Variants in EXOC2 observed in about 807,000 individuals in gnomAD.
EXOC2 encodes the protein SEC5-like 1.
Under a neutral mutation model 131.8 loss-of-function variants are expected in EXOC2, and 70 were observed. The ratio of observed to expected loss-of-function variants is 0.53; its 90% CI spans 0.44 to 0.65. The LOEUF is 0.65. Ranked by LOEUF, EXOC2 falls within the 30% of genes least tolerant of loss-of-function variation. EXOC2 has a pLI of 0.00. For missense variants in EXOC2, 923 were observed against 1,108.6 expected (o/e 0.83, Z 2.38); for synonymous variants, 411 against 398.4 (o/e 1.03, Z -0.38).
chr6:670,787 C>A (rs1335714671), intron 1 of EXOC2, among the ~76,000 whole-genome samples: 1 of 152,144 alleles, frequency 6.6e-6, no homozygotes, highest in Admixed American at 6.5e-5. Flanking sequence ...TTATTAACAT[C>A]TATAGAGCTG....
At chr6:545,342 T>G (rs1370981818) in intron 22 of EXOC2, among the ~76,000 whole-genome samples, 2 of 152,160 alleles carry the variant, frequency 1.3e-5, no homozygotes, top group African/African-American at 4.8e-5. Context: ...ATTATGTAAT[T>G]ATACCTACCA....
chr6:569,436 G>A (rs1758149409), intron 13 of EXOC2, among the ~76,000 whole-genome samples: 1 of 152,102 alleles, frequency 6.6e-6, no homozygotes, highest in Non-Finnish European at 1.5e-5. Context: ...AATTTTTAAC[G>A]GATGGGCTCT....
intron 23 of EXOC2, among the ~76,000 whole-genome samples, chr6:528,185 T>C (rs1332275901): frequency 6.6e-6 from 1 of 152,186 alleles, no homozygotes; most frequent in African/African-American, 2.4e-5. Context: ...CGGATATCTC[T>C]TGTTGAATCA....
intron 23 of EXOC2, among the ~76,000 whole-genome samples, chr6:515,126 A>G (rs1765071126): frequency 6.6e-6 from 1 of 152,234 alleles, no homozygotes. Flanking sequence ...TTGTTATGGT[A>G]TAACAGCAGG....
chr6:589,135 C>T (rs960728921), intron 11 of EXOC2, among the ~76,000 whole-genome samples: 2 of 152,272 alleles, frequency 1.3e-5, no homozygotes, highest in Admixed American at 1.3e-4. Flanking sequence ...GGTCAGACCA[C>T]ATATCCTATC....
intron 23 of EXOC2, among the ~76,000 whole-genome samples, chr6:515,889 T>C (rs973821173): frequency 1.3e-5 from 2 of 152,216 alleles, no homozygotes; most frequent in Admixed American, 6.5e-5. Flanking sequence ...TGCCCGTCCT[T>C]AGGTTCACTG....
At chr6:553,437 A>C (rs1313087581) in intron 21 of EXOC2, among the ~76,000 whole-genome samples, 1 of 151,538 alleles carries the variant, frequency 6.6e-6, no homozygotes, top group Non-Finnish European at 1.5e-5. Flanking sequence ...GGCTGTGCTC[A>C]AATAAAAGGC....
rs59578274 is a variant in EXOC2, at chr6:642,926, T to TAA, written c.-43-5067_-43-5066dup. The stretch of plus-strand genomic sequence containing the variant: ...AAAGTTGTAAAAGGCATTTTTCAAG[T>TAA]AAAAAAAAAAAAGTTCATTGCAAAC... On this transcript the variant is annotated intron_variant, in intron 1 of 27. Coordinates refer to ENST00000230449, the MANE Select transcript of EXOC2 (RefSeq NM_018303.6). 7.4e-4 allele frequency among the ~76,000 whole-genome samples: 108 copies of TAA among 145,526 alleles called. 2 individuals carry two copies. Among genetic ancestry groups the TAA allele is most frequent in the Middle Eastern group, 3.5e-3 (1 of 282 alleles).
intron 1 of EXOC2, among the ~76,000 whole-genome samples, chr6:659,522 A>T (rs1437040381): frequency 6.6e-6 from 1 of 152,152 alleles, no homozygotes; most frequent in Non-Finnish European, 1.5e-5. Flanking sequence ...CCTGGGAGAC[A>T]CTCCAAATAC....
Position 488,182 on chromosome 6 carries a change from CGATG to C in EXOC2, c.2681+793_2681+796del, listed in dbSNP as rs140376390. ...CTGGTCTGCTGCCTGCTCTGTGCGT[CGATG>C]CCATGTGACAGCTCCCCCCCATGGC... On this transcript the variant is annotated intron_variant, in intron 27 of 27. Coordinates refer to ENST00000230449, the MANE Select transcript of EXOC2 (RefSeq NM_018303.6). Among the ~76,000 whole-genome samples, 537 of 152,306 alleles carry C rather than the reference CGATG, an allele frequency of 3.5e-3. 5 individuals are homozygous for C. The highest frequency in any genetic ancestry group is 0.011 in the African/African-American group (468 of 41,562).
intron 6 of EXOC2, among the ~76,000 whole-genome samples, chr6:615,586 G>A (rs979954774): frequency 1.3e-5 from 2 of 152,042 alleles, no homozygotes; most frequent in Admixed American, 1.3e-4. Flanking sequence ...TGGGCGTGGT[G>A]GTGGGCACCT....
At chr6:564,731 G>C (rs1757880648) in intron 14 of EXOC2, 29 bp from the exon 15 acceptor site, 1 of 1,579,452 alleles carries the variant, frequency 6.3e-7, no homozygotes, top group South Asian at 1.2e-5. Context: ...GCATAACCGT[G>C]TTCAAATGTG....
In EXOC2 at chr6:685,151, C is replaced by CACAA. The variant is rs1052174705; in HGVS notation, c.-44+7867_-44+7868insTTGT. On this transcript the variant is annotated intron_variant, in intron 1 of 27. Coordinates refer to ENST00000230449, the MANE Select transcript of EXOC2 (RefSeq NM_018303.6). ...AAACACACACACACACACACACACA[C>CACAA]AACCCTCCCAAACGTCCACCCTTCC... 4.6e-5 allele frequency among the ~76,000 whole-genome samples: 7 copies of CACAA among 151,998 alleles called. No homozygotes were observed. The South Asian group carries it at 6.2e-4, about 14-fold the overall frequency.
chr6:537,265 C>T lies in EXOC2; in HGVS notation c.2239-4655G>A, dbSNP rs147443345. The stretch of plus-strand genomic sequence containing the variant: ...CCGACGGAGGGCACACACGAGATGA[C>T]GGCCGACGGAGCGTACACTCGAGTT... On this transcript the variant is annotated intron_variant, in intron 22 of 27. Transcript: ENST00000230449. 8.5e-3 allele frequency among the ~76,000 whole-genome samples: 1,214 copies of T among 142,044 alleles called. 7 individuals are homozygous for T. The highest frequency in any genetic ancestry group is 0.024 in the Middle Eastern group (6 of 250). The allele number at this position is 142,044 out of a possible 152,430, so 93.2% of individuals were successfully genotyped here. A position where few individuals can be genotyped will look rare whatever the true frequency, so the allele number is the denominator to read the frequency against.
intron 1 of EXOC2, among the ~76,000 whole-genome samples, chr6:684,036 T>C (rs1764531959): frequency 6.6e-6 from 1 of 152,154 alleles, no homozygotes; most frequent in Non-Finnish European, 1.5e-5. Context: ...AGTGTTGCTC[T>C]CTCTCTCATC....
At chr6:676,345 TGACTCTGCGG>T (rs1562003525) in intron 1 of EXOC2, among the ~76,000 whole-genome samples, 49 of 15,888 alleles carry the variant, frequency 3.1e-3, no homozygotes, top group Non-Finnish European at 4.4e-3. Context: ...GTTCCTCTGG[TGACTCTGCGG>T]TTCCCCATAC....
At chr6:682,263 G>C (rs1444223314) in intron 1 of EXOC2, among the ~76,000 whole-genome samples, 5 of 151,210 alleles carry the variant, frequency 3.3e-5, no homozygotes, top group African/African-American at 9.7e-5. Flanking sequence ...GCAGTGGCAG[G>C]ATCTGGGGTC....
At chr6:556,601 G>A (rs1457562924) in intron 17 of EXOC2, 37 bp from the exon 18 acceptor site, 8 of 1,608,708 alleles carry the variant, frequency 5.0e-6, no homozygotes, top group Non-Finnish European at 5.1e-6. Flanking sequence ...ACTCAAAAAT[G>A]AGCACTGGCT....
intron 1 of EXOC2, among the ~76,000 whole-genome samples, chr6:687,466 G>C: frequency 6.6e-6 from 1 of 152,028 alleles, no homozygotes; most frequent in East Asian, 1.9e-4. Context: ...TACAGGCACT[G>C]AGCCACTGAA....
Sources: allele counts gnomAD v4.1 joint callset (sites outside exome capture counted in the v4.1 genomes callset), GRCh38; gene constraint gnomAD v4.1.1; transcripts MANE v1.5; gene names NCBI Gene and HGNC (gene_info 2026-07-23, HGNC 2026-07-21).